KCTD6: variants seen among roughly 807,000 people sequenced by gnomAD.
The protein encoded by KCTD6 is potassium channel tetramerization domain containing 6.
In KCTD6, 6 loss-of-function variants were observed where a neutral mutation model predicts 18.7. The observed-to-expected ratio is 0.32, with a 90% CI of 0.18 to 0.63. The LOEUF is 0.63. Ranked by LOEUF, KCTD6 falls within the 30% of genes least tolerant of loss-of-function variation. The pLI is 0.79. For synonymous variants in KCTD6, 86 were observed against 108.5 expected, an observed-to-expected ratio of 0.79 and a Z score of 1.29; for missense variants, 165 against 300.2, an observed-to-expected ratio of 0.55 and a Z score of 3.33.
intron 1 of KCTD6, among the ~76,000 whole-genome samples, chr3:58,494,575 AGGATTAGGACTTT>A (rs2063167968): frequency 6.6e-6 from 1 of 152,210 alleles, no homozygotes; most frequent in Non-Finnish European, 1.5e-5. Context: ...GTAGTTATAT[AGGATTAGGACTTT>A]TGCCCCGGAG....
rs1007646744 is a variant in KCTD6 at position 58,502,273 on chromosome 3, C to G, written c.*641C>G. 6.6e-6 allele frequency: 1 copy of G among 152,112 alleles called. No individual in the cohort carries two copies. Among genetic ancestry groups the G allele is most frequent in the Non-Finnish European group, 1.5e-5 (1 of 67,942 alleles). The allele number at this position is 152,112 out of a possible 1,614,324, so 9.4% of individuals were successfully genotyped here. Reference sequence around the variant, plus strand: ...ATGTCCCTGTGGTAGAAAACTTACTCTTTATGCCTGGTGCAGTATAATTCC... The same window carrying G: ...ATGTCCCTGTGGTAGAAAACTTACTGTTTATGCCTGGTGCAGTATAATTCC... On this transcript the variant is annotated 3_prime_UTR_variant, in exon 3 of 3. Transcript: ENST00000404589.
intron 1 of KCTD6, among the ~76,000 whole-genome samples, chr3:58,495,449 C>CAATTCAG (rs1303821299): frequency 6.6e-6 from 1 of 152,134 alleles, no homozygotes. Context: ...TAATGGTCGT[C>CAATTCAG]AATTCAGAAT....
Sources: allele counts gnomAD v4.1 joint callset (sites outside exome capture counted in the v4.1 genomes callset), GRCh38; gene constraint gnomAD v4.1.1; transcripts MANE v1.5; gene names NCBI Gene and HGNC (gene_info 2026-07-23, HGNC 2026-07-21).